Variants in DYRK1B observed in about 807,000 individuals in gnomAD.
The protein encoded by DYRK1B is dual specificity tyrosine-phosphorylation-regulated kinase 1B.
DYRK1B carries 20 observed loss-of-function variants against 57.1 expected under a neutral mutation model. That is an observed-to-expected ratio of 0.35 (90% CI 0.25 to 0.51). DYRK1B has a LOEUF of 0.51. Among genes scored for constraint, DYRK1B ranks in the 20% least tolerant of loss-of-function variants. The pLI, the probability that DYRK1B is intolerant of heterozygous loss-of-function variation, is 0.96. For missense variants in DYRK1B, 732 were observed against 886.3 expected, an observed-to-expected ratio of 0.83 and a Z score of 2.21; for synonymous variants, 409 against 384.7, an observed-to-expected ratio of 1.06 and a Z score of -0.74.
Position 39,825,971 on chromosome 19 carries a change from T to TG in DYRK1B, c.1633dup (p.Gln545ProfsTer30), listed in dbSNP as rs775499198. 3.4e-6 allele frequency: 5 copies of TG among 1,465,180 alleles called. No homozygotes were observed. The highest frequency in any genetic ancestry group is 2.4e-5 in the Admixed American group (1 of 41,712). 90.8% of individuals were successfully genotyped at this position (1,465,180 alleles called of 1,614,324 possible). On this transcript the variant is annotated frameshift_variant, in exon 11 of 11. Transcript: ENST00000323039. LOFTEE classifies it high-confidence loss of function. ...TGGGGGACGACCAAGGTATCGGGGC[T>TG]GGGGGGGTAACTGGGCCCCGGTCCC...
intron 1 of DYRK1B, among the ~76,000 whole-genome samples, chr19:39,832,581 C>T (rs1215862828): frequency 1.3e-5 from 2 of 152,168 alleles, no homozygotes; most frequent in Non-Finnish European, 2.9e-5. Flanking sequence ...ACCACATCAG[C>T]GTCCTTGGGG....
At position 39,825,925 on chromosome 19, in the gene DYRK1B, G is replaced by A. The variant is rs781487002; in HGVS notation, c.1680C>T (p.Pro560=). Residue 560 remains proline (P), a synonymous_variant, in exon 11 of 11, where the codon CCC becomes CCT. Transcript: ENST00000323039. ...GRPPSPTSPP[P]PELMDVSLVG... ...CCAGGCTCACATCCATCAGCTCCGG[G>A]GGTGGTGGTGAGGTTGGTGATGGGG... 1.3e-6 allele frequency: 2 copies of A among 1,548,704 alleles called. No homozygotes were observed. Among genetic ancestry groups the A allele is most frequent in the Admixed American group, 1.9e-5 (1 of 51,394 alleles).
At position 39,825,852 on chromosome 19, in the gene DYRK1B, G is replaced by A; in HGVS notation, c.1753C>T (p.Gln585Ter). 1 of 1,607,302 alleles carries A rather than the reference G, an allele frequency of 6.2e-7. No homozygotes were observed. Among genetic ancestry groups the A allele is most frequent in the Non-Finnish European group, 8.5e-7 (1 of 1,177,258 alleles). ...CGGAGGGCTGAGGCAGCCGGGTGCT[G>A]GGGGGCAGGCGCTGGGTGAGGTGGG... ...CSPPHPAPAP[Q>*]HPAASALRTR... is the part of the protein sequence containing the mutation. Residue 585 changes from glutamine to a stop codon, truncating the protein, a stop_gained, in exon 11 of 11, where the codon CAG (glutamine) becomes TAG (stop). Transcript: ENST00000323039. LOFTEE classifies it high-confidence loss of function.
intron 1 of DYRK1B, among the ~76,000 whole-genome samples, chr19:39,832,712 C>T (rs968166160): frequency 1.3e-5 from 2 of 152,082 alleles, no homozygotes; most frequent in East Asian, 1.9e-4. Flanking sequence ...ATGCCAAGAC[C>T]GCTTCCCTAT....
intron 4 of DYRK1B, 114 bp from the exon 5 acceptor site, chr19:39,830,141 C>T: frequency 1.5e-6 from 2 of 1,363,392 alleles, no homozygotes; most frequent in African/African-American, 1.4e-5. Flanking sequence ...TACTTCGCAG[C>T]TGAGTGCGCA....
chr19:39,825,501 G>T lies in DYRK1B; in HGVS notation c.*214C>A, dbSNP rs559139431. On this transcript the variant is annotated 3_prime_UTR_variant, in exon 11 of 11. Transcript: ENST00000323039. ...TTGGTACAATAAATAGAAAAAAAGG[G>T]GGAGAGGGGCCCAAGGGTCCAGTCC... 6.9e-6 allele frequency: 4 copies of T among 578,716 alleles called. No individual in the cohort carries two copies. The East Asian group carries it at 1.2e-4, about 17-fold the overall frequency. 35.8% of individuals were successfully genotyped at this position (578,716 alleles called of 1,614,324 possible). A position where few individuals can be genotyped will look rare whatever the true frequency, so the allele number is the denominator to read the frequency against.
In DYRK1B at chr19:39,828,572, G is replaced by C. The variant is rs1239418224; in HGVS notation, c.532C>G (p.Arg178Gly). ...EMKYYIVHLK[R>G]HFMFRNHLCL... ...AGGTGGTTCCGGAACATGAAGTGCCGCTTCAGGTGTACTGCGGGGGAGGGG... is the reference window on the plus strand; with the variant it reads ...AGGTGGTTCCGGAACATGAAGTGCCCCTTCAGGTGTACTGCGGGGGAGGGG... Residue 178 changes from arginine to glycine, a missense_variant, in exon 6 of 11, where the codon CGG becomes GGG. Physicochemically the swap from Arg to Gly is moderately radical, Grantham distance 125 (BLOSUM62 -2). Around this residue, in one of 2 missense-constraint regions of DYRK1B, gnomAD observed 510 missense variants for 681.3 expected, o/e 0.75. Transcript: ENST00000323039. The surrounding 1 kb of genome is among the most constrained non-coding windows in gnomAD (Gnocchi z 4.3). The C allele has an allele frequency of 1.2e-6, 2 of 1,607,960 alleles. No individual in the cohort carries two copies. The highest frequency in any genetic ancestry group is 1.3e-5 in the African/African-American group (1 of 74,810).
chr19:39,829,925 G>A lies in DYRK1B; in HGVS notation c.475C>T (p.Leu159=), dbSNP rs969015296. The A allele has an allele frequency of 6.2e-7, 1 of 1,613,956 alleles. No homozygotes were observed. Among genetic ancestry groups the A allele is most frequent in the Non-Finnish European group, 8.5e-7 (1 of 1,180,048 alleles). ...GTGTCATGCTGGTTCATCAGCTCCA[G>A]CAGCCGCAGCTCAATCTGGGCCTGG... ...LNQAQIELRL[L]ELMNQHDTEM... is the part of the protein sequence containing the mutation. Residue 159 remains leucine, a synonymous_variant, in exon 5 of 11, where the codon CTG becomes TTG. Transcript: ENST00000323039.
At chr19:39,831,471 T>G (rs1203282468) in intron 2 of DYRK1B, among the ~76,000 whole-genome samples, 1 of 152,232 alleles carries the variant, frequency 6.6e-6, no homozygotes, top group Non-Finnish European at 1.5e-5. Context: ...GGCACCATTC[T>G]AAGTGTTTTA....
rs1968823545 is a variant in DYRK1B, at chr19:39,831,778, C to T, written c.63+27G>A. ...TCCCCAGCCTCCCCCTACCACCACG[C>T]AGGTGAGGAGCCAGCTGAACGCGTA... On this transcript the variant is annotated intron_variant, in intron 2 of 10. Coordinates refer to ENST00000323039, the MANE Select transcript of DYRK1B (RefSeq NM_004714.3). 6 of 1,549,170 alleles carry T rather than the reference C, an allele frequency of 3.9e-6. No homozygotes were observed. In the East Asian group the frequency reaches 1.5e-4, roughly 38 times the overall value.
In DYRK1B at chr19:39,826,680, G is replaced by T; in HGVS notation, c.1403C>A (p.Ser468Tyr). The T allele has an allele frequency of 6.2e-7, 1 of 1,603,022 alleles. No individual in the cohort carries two copies. The highest frequency in any genetic ancestry group is 8.5e-7 in the Non-Finnish European group (1 of 1,175,958). The change falls in exon 9 of 11, where the codon TCC becomes TAC. Residue 468 changes from serine to tyrosine, a missense_variant. Transcript: ENST00000323039. The surrounding 1 kb of genome is among the most constrained non-coding windows in gnomAD (Gnocchi z 6.3). ...GGCACCTGGGCACCCACCAGAACTG[G>T]AGATGGAGCTGGCGGTGCTGGAAGA... is the stretch of plus-strand genomic sequence containing the variant. Reference protein sequence around the residue: ...CPSSSTASSISSSGGSSGSSS... With the variant: ...CPSSSTASSIYSSGGSSGSSS...
At chr19:39,829,851 C>G in intron 5 of DYRK1B, 29 bp downstream of exon 5, 1 of 1,607,778 alleles carries the variant, frequency 6.2e-7, no homozygotes, top group African/African-American at 1.3e-5. Context: ...ATCCCAGGTG[C>G]CCACAGCCCT....
At chr19:39,833,695 C>T (rs1331108659) in intron 1 of DYRK1B, 2 of 152,236 alleles carry the variant, frequency 1.3e-5, no homozygotes, top group Non-Finnish European at 2.9e-5. Context: ...TACCATTGGT[C>T]GCTGGTGCCA....
Position 39,825,566 on chromosome 19 carries a change from C to T in DYRK1B, c.*149G>A. On this transcript the variant is annotated 3_prime_UTR_variant, in exon 11 of 11. Coordinates refer to ENST00000323039, the MANE Select transcript of DYRK1B (RefSeq NM_004714.3). ...GCGGCCAAAACCCTCTCCTTGACCC[C>T]CCTGCCCCAGGCCCCAATCAGTGCA... 1 of 801,574 alleles carries T rather than the reference C, an allele frequency of 1.2e-6. No individual in the cohort carries two copies. Among genetic ancestry groups the T allele is most frequent in the Non-Finnish European group, 1.9e-6 (1 of 518,172 alleles). The allele number at this position is 801,574 out of a possible 1,614,324, so 49.7% of individuals were successfully genotyped here. A position where few individuals can be genotyped will look rare whatever the true frequency, so the allele number is the denominator to read the frequency against.
chr19:39,829,160 TTTC>T (rs1200059229), intron 5 of DYRK1B, among the ~76,000 whole-genome samples: 6 of 150,212 alleles, frequency 4.0e-5, no homozygotes, highest in Non-Finnish European at 7.4e-5. Context: ...TCTTTTTTCC[TTTC>T]TTCGTTTTTT....
chr19:39,830,212 G>A (rs1968742752), intron 4 of DYRK1B, 163 bp downstream of exon 4: 1 of 1,150,362 alleles, frequency 8.7e-7, no homozygotes, highest in Non-Finnish European at 1.2e-6. Context: ...CTTATGTTGA[G>A]TCTTGTTATT....
chr19:39,826,990 G>A lies in DYRK1B; in HGVS notation c.1096-3C>T. The A allele has an allele frequency of 6.9e-7, 1 of 1,451,350 alleles. No homozygotes were observed. Among genetic ancestry groups the A allele is most frequent in the South Asian group, 1.4e-5 (1 of 72,070 alleles). 89.9% of individuals were successfully genotyped at this position (1,451,350 alleles called of 1,614,324 possible). On this transcript the variant is annotated splice_region_variant and splice_polypyrimidine_tract_variant and intron_variant, in intron 8 of 10. Coordinates refer to ENST00000323039, the MANE Select transcript of DYRK1B (RefSeq NM_004714.3). The surrounding 1 kb of genome is among the most constrained non-coding windows in gnomAD (Gnocchi z 6.3). ...CGTGTCCCGGGGCCCTGGTAATCCTGGCAGGGAGGGGGTGGGAGGGGGGGC... is the reference window on the plus strand; with the variant it reads ...CGTGTCCCGGGGCCCTGGTAATCCTAGCAGGGAGGGGGTGGGAGGGGGGGC...
chr19:39,827,243 G>C (rs750461229), intron 8 of DYRK1B, 42 bp downstream of exon 8: 1 of 1,571,844 alleles, frequency 6.4e-7, no homozygotes. Context: ...TGTGAGTGAG[G>C]GGCCACGGGG....
rs1968834339 is a variant in DYRK1B at position 39,831,909 on chromosome 19, G to C, written c.-42C>G. ...CGCAGGGGAGCGAGGCCTGGAGCGG[G>C]AGCCCGGCCGGGGGGCGCCTTCTTG... On this transcript the variant is annotated 5_prime_UTR_variant, in exon 2 of 11. Transcript: ENST00000323039. The C allele has an allele frequency of 4.2e-6, 6 of 1,442,168 alleles. No homozygotes were observed. Among genetic ancestry groups the C allele is most frequent in the Non-Finnish European group, 4.6e-6 (5 of 1,094,974 alleles). 89.3% of individuals were successfully genotyped at this position (1,442,168 alleles called of 1,614,324 possible).
Sources: gnomAD v4.1 joint callset for allele counts (sites outside exome capture counted in the v4.1 genomes callset) on GRCh38, gnomAD v4.1.1 for gene constraint, gnomAD v4.1.1 regional missense constraint, Gnocchi (gnomAD v3.1) non-coding constraint, MANE v1.5 for transcripts, NCBI Gene and HGNC (gene_info 2026-07-23, HGNC 2026-07-21) for gene names.